Variants in SPECC1 observed in about 807,000 individuals in gnomAD.
SPECC1 encodes the protein cytospin-B.
SPECC1 carries 62 observed loss-of-function variants against 104.1 expected under a neutral mutation model. The ratio of observed to expected loss-of-function variants is 0.60; its 90% CI spans 0.49 to 0.74. The LOEUF is 0.74. SPECC1 is among the 30% of genes least tolerant of loss of function. The pLI is 0.00. For synonymous variants in SPECC1, 513 were observed against 501.6 expected, an observed-to-expected ratio of 1.02 and a Z score of -0.30; for missense variants, 1,306 against 1,310.5, an observed-to-expected ratio of 1.00 and a Z score of 0.05.
chr17:20,044,238 T>G (rs1349267233), intron 1 of SPECC1, among the ~76,000 whole-genome samples: 1 of 152,120 alleles, frequency 6.6e-6, no homozygotes, highest in African/African-American at 2.4e-5. Flanking sequence ...GGAAGCATTT[T>G]ATTGGCTTCA....
intron 7 of SPECC1, chr17:20,238,081 C>G: frequency 3.9e-6 from 4 of 1,025,956 alleles, no homozygotes; most frequent in Middle Eastern, 4.6e-4. Context: ...CACTTGGAGT[C>G]TGACTTCATT....
At chr17:20,021,332 C>G (rs565738103) in intron 1 of SPECC1, among the ~76,000 whole-genome samples, 3 of 152,134 alleles carry the variant, frequency 2.0e-5, no homozygotes, top group Middle Eastern at 3.4e-3. Flanking sequence ...GCATCATGTT[C>G]TAGCCTTTAT....
chr17:20,023,759 A>C (rs1458207385), intron 1 of SPECC1, among the ~76,000 whole-genome samples: 5 of 152,124 alleles, frequency 3.3e-5, no homozygotes, highest in Non-Finnish European at 5.9e-5. Flanking sequence ...TGCTTAAATA[A>C]TCCAAGGTTG....
chr17:20,045,032 C>T (rs1387158201), intron 1 of SPECC1, among the ~76,000 whole-genome samples: 1 of 152,074 alleles, frequency 6.6e-6, no homozygotes, highest in Non-Finnish European at 1.5e-5. Context: ...TTTCTTTTTC[C>T]AAAAAGTAAT....
At chr17:20,112,506 A>G in intron 3 of SPECC1, 2 of 769,582 alleles carry the variant, frequency 2.6e-6, no homozygotes, top group East Asian at 2.4e-5. Context: ...AGTGGTGCTG[A>G]TCTTTCTCAT....
At chr17:20,291,374 A>G (rs1370662960) in intron 12 of SPECC1, among the ~76,000 whole-genome samples, 1 of 152,208 alleles carries the variant, frequency 6.6e-6, no homozygotes, top group Non-Finnish European at 1.5e-5. Flanking sequence ...TTCAGAGGCA[A>G]ATGGAGCTGG....
At chr17:20,309,687 A>G (rs2041872640) in intron 14 of SPECC1, among the ~76,000 whole-genome samples, 2 of 152,088 alleles carry the variant, frequency 1.3e-5, no homozygotes, top group Non-Finnish European at 2.9e-5. Context: ...GCTGAGGATA[A>G]TGGCCCCTAG....
At chr17:20,033,232 G>A (rs764979840) in intron 1 of SPECC1, among the ~76,000 whole-genome samples, 3 of 151,976 alleles carry the variant, frequency 2.0e-5, no homozygotes, top group Non-Finnish European at 4.4e-5. Context: ...CCAAAGTGCT[G>A]GGATTACAGA....
At position 20,315,113 on chromosome 17, in the gene SPECC1, G is replaced by C; in HGVS notation, c.*1048G>C. ...AGGAGGTCACATGTGTGAATGGCCTGTGTCTGCTTTACAGGGTTGAGCAGG... is the reference window on the plus strand; with the variant it reads ...AGGAGGTCACATGTGTGAATGGCCTCTGTCTGCTTTACAGGGTTGAGCAGG... On this transcript the variant is annotated 3_prime_UTR_variant, in exon 15 of 15. Transcript: ENST00000395527. 4.3e-6 allele frequency: 1 copy of C among 233,166 alleles called. No homozygotes were observed. The highest frequency in any genetic ancestry group is 8.5e-6 in the Non-Finnish European group (1 of 117,976). The allele number at this position is 233,166 out of a possible 1,614,324, so 14.4% of individuals were successfully genotyped here. A position where few individuals can be genotyped will look rare whatever the true frequency, so the allele number is the denominator to read the frequency against.
chr17:20,284,193 A>G (rs2040867787), intron 12 of SPECC1, among the ~76,000 whole-genome samples: 1 of 152,218 alleles, frequency 6.6e-6, no homozygotes, highest in Non-Finnish European at 1.5e-5. Context: ...AGTGATGGCC[A>G]GCTCACCAGC....
intron 7 of SPECC1, among the ~76,000 whole-genome samples, chr17:20,243,018 C>G (rs879527533): frequency 2.0e-5 from 3 of 152,094 alleles, no homozygotes; most frequent in Non-Finnish European, 4.4e-5. Flanking sequence ...TGTGATGTAA[C>G]TGAAGAAAGA....
intron 3 of SPECC1, chr17:20,156,211 A>G (rs2152571321): frequency 7.0e-7 from 1 of 1,426,474 alleles, no homozygotes; most frequent in Non-Finnish European, 9.2e-7. Context: ...GCAACCACTC[A>G]GGACGGCCCG....
chr17:20,278,365 G>C (rs2040644160), intron 12 of SPECC1, among the ~76,000 whole-genome samples: 1 of 152,200 alleles, frequency 6.6e-6, no homozygotes, highest in Non-Finnish European at 1.5e-5. Context: ...TAGGTTGAGG[G>C]AGAGCAGAGG....
intron 8 of SPECC1, 106 bp downstream of exon 8, chr17:20,246,177 C>A: frequency 1.5e-6 from 2 of 1,373,942 alleles, no homozygotes; most frequent in Non-Finnish European, 2.0e-6. Context: ...TTGTTACAAC[C>A]ACAAGGGCGC....
At chr17:20,194,508 T>TTTTTTTTTTTTA (rs2035892220) in intron 3 of SPECC1, among the ~76,000 whole-genome samples, 1 of 118,264 alleles carries the variant, frequency 8.5e-6, no homozygotes, top group Non-Finnish European at 1.7e-5. Context: ...ACGAATTTTT[T>TTTTTTTTTTTTA]TTTTTTTTTT....
At chr17:20,304,296 A>G (rs932729781) in intron 13 of SPECC1, among the ~76,000 whole-genome samples, 1 of 151,718 alleles carries the variant, frequency 6.6e-6, no homozygotes, top group African/African-American at 2.4e-5. Flanking sequence ...TCTCAAAAAA[A>G]GGAAATTTCA....
intron 12 of SPECC1, among the ~76,000 whole-genome samples, chr17:20,279,620 C>A (rs186761752): frequency 5.3e-5 from 8 of 152,246 alleles, no homozygotes; most frequent in African/African-American, 1.9e-4. Context: ...CCGCGCCCAG[C>A]CTTGAAGGTT....
chr17:20,255,144 G>T (rs1004228294), intron 10 of SPECC1, among the ~76,000 whole-genome samples: 1 of 152,168 alleles, frequency 6.6e-6, no homozygotes, highest in Non-Finnish European at 1.5e-5. Context: ...GAAAGTTTAC[G>T]TGGGACTCCA....
rs756513327 is a variant in SPECC1, at chr17:20,247,361, TG to T, written c.2598+43del. ...AATAACCACTGCTTATGGTTTGCTG[TG>T]TATCCCTCTAGATGTTTTTCTTTAC... On this transcript the variant is annotated intron_variant, in intron 9 of 14. Coordinates refer to ENST00000395527, the MANE Select transcript of SPECC1 (RefSeq NM_001243439.2). 6 of 1,424,044 alleles carry T rather than the reference TG, an allele frequency of 4.2e-6. No homozygotes were observed. The Middle Eastern group carries it at 7.7e-4, about 184-fold the overall frequency. The allele number at this position is 1,424,044 out of a possible 1,614,324, so 88.2% of individuals were successfully genotyped here.
Sources: gnomAD v4.1 joint callset for allele counts (sites outside exome capture counted in the v4.1 genomes callset) on GRCh38, gnomAD v4.1.1 for gene constraint, MANE v1.5 for transcripts, NCBI Gene and HGNC (gene_info 2026-07-23, HGNC 2026-07-21) for gene names.